The following IQCE variants were observed in gnomAD, a reference collection of about 807,000 sequenced individuals.
IQCE encodes IQ domain-containing protein E.
A neutral mutation model predicts 96.0 loss-of-function variants in IQCE; 115 were observed. The observed-to-expected ratio is 1.20, with a 90% CI of 1.03 to 1.40. IQCE has a LOEUF of 1.40. Among genes scored for constraint, IQCE ranks in the 40% most tolerant of loss-of-function variants. The pLI, the probability that IQCE is intolerant of heterozygous loss-of-function variation, is 0.00. For synonymous variants in IQCE, 412 were observed against 371.2 expected (o/e 1.11, Z -1.26); for missense variants, 1,041 against 909.1 (o/e 1.15, Z -1.87).
At position 2,582,735 on chromosome 7, in the gene IQCE, C is replaced by T. The variant is rs188411237; in HGVS notation, c.701+85C>T. The T allele has an allele frequency of 4.3e-4, 515 of 1,199,260 alleles. 2 individuals are homozygous for T. Among genetic ancestry groups the T allele is most frequent in the Non-Finnish European group, 5.6e-4 (458 of 822,428 alleles). 74.3% of individuals were successfully genotyped at this position (1,199,260 alleles called of 1,614,324 possible). A position where few individuals can be genotyped will look rare whatever the true frequency, so the allele number is the denominator to read the frequency against. The stretch of plus-strand genomic sequence containing the variant: ...GCCCGCCTTTGTTCCTCCCCCACCC[C>T]GTCCTGTGTCCCTACTCCCAGCCCA... On this transcript the variant is annotated intron_variant, in intron 9 of 21. Transcript: ENST00000402050.
Position 2,611,432 on chromosome 7 carries a change from T to C in IQCE, c.*1270T>C, listed in dbSNP as rs893306735. The C allele has an allele frequency of 3.9e-5, 6 of 152,288 alleles. No homozygotes were observed. Among genetic ancestry groups the C allele is most frequent in the African/African-American group, 1.4e-4 (6 of 41,464 alleles). The allele number at this position is 152,288 out of a possible 1,614,324, so 9.4% of individuals were successfully genotyped here. A position where few individuals can be genotyped will look rare whatever the true frequency, so the allele number is the denominator to read the frequency against. Reference sequence around the variant, plus strand: ...GTTAGAAAGCCCCTTTTTACACAGCTGACAGCTTCTCCCAAGGCTTCCGTC... The same window carrying C: ...GTTAGAAAGCCCCTTTTTACACAGCCGACAGCTTCTCCCAAGGCTTCCGTC... On this transcript the variant is annotated 3_prime_UTR_variant, in exon 22 of 22. Coordinates refer to ENST00000402050, the MANE Select transcript of IQCE (RefSeq NM_152558.5).
chr7:2,570,250 C>G (rs1352216335), intron 3 of IQCE, among the ~76,000 whole-genome samples: 2 of 152,124 alleles, frequency 1.3e-5, no homozygotes, highest in Non-Finnish European at 2.9e-5. Context: ...ACGCTGGCAT[C>G]TCTCCACCAC....
intron 12 of IQCE, among the ~76,000 whole-genome samples, chr7:2,586,997 G>T (rs1783174500): frequency 1.3e-5 from 2 of 152,232 alleles, no homozygotes; most frequent in Admixed American, 1.3e-4. Context: ...GCAGACAGAG[G>T]CTTCTGCGCT....
chr7:2,607,426 T>C, intron 21 of IQCE, 199 bp downstream of exon 21: 1 of 1,341,434 alleles, frequency 7.5e-7, no homozygotes, highest in Non-Finnish European at 9.5e-7. Context: ...AGCTTGTCCT[T>C]TGTGCCTGGA....
chr7:2,586,331 C>T lies in IQCE; in HGVS notation c.948C>T (p.Asp316=), dbSNP rs767849059. ...ACCAGAGCCTGAAGGAGGACCTGGA[C>T]CGCGTGCTGAGCACCTCCCCAACCA... ...EENQSLKEDL[D]RVLSTSPTIS... The change falls in exon 12 of 22, where the codon GAC becomes GAT. Residue 316 remains aspartate (D), a synonymous_variant. Coordinates refer to ENST00000402050, the MANE Select transcript of IQCE (RefSeq NM_152558.5). The T allele has an allele frequency of 3.7e-6, 6 of 1,613,742 alleles. No individual in the cohort carries two copies. The highest frequency in any genetic ancestry group is 4.2e-6 in the Non-Finnish European group (5 of 1,179,906).
In IQCE at chr7:2,607,126, C is replaced by G. The variant is rs775639646; in HGVS notation, c.1868C>G (p.Ala623Gly). 3 of 1,595,582 alleles carry G rather than the reference C, an allele frequency of 1.9e-6. No homozygotes were observed. Among genetic ancestry groups the G allele is most frequent in the Non-Finnish European group, 2.6e-6 (3 of 1,172,454 alleles). Reference sequence around the variant, plus strand: ...TGGCGTTTTCTGTTTTTTTCCAGTGCTACCGGTAAAAGAACCACCACCGCA... The same window carrying G: ...TGGCGTTTTCTGTTTTTTTCCAGTGGTACCGGTAAAAGAACCACCACCGCA... The part of the protein sequence containing the change: ...RAHLARARHS[A>G]TGKRTTTAAS... Residue 623 changes from alanine to glycine, a missense_variant and splice_region_variant, in exon 21 of 22, where the codon GCT (alanine) becomes GGT (glycine). Transcript: ENST00000402050.
At position 2,580,421 on chromosome 7, in the gene IQCE, C is replaced by G. The variant is rs367643551; in HGVS notation, c.630+1895C>G. On this transcript the variant is annotated intron_variant, in intron 8 of 21. Coordinates refer to ENST00000402050, the MANE Select transcript of IQCE (RefSeq NM_152558.5). Reference sequence around the variant, plus strand: ...AGTCAGGAGTTCAAGACCAGCCTGGCCAACATGGTGAAGCCCCATCTGTAC... The same window carrying G: ...AGTCAGGAGTTCAAGACCAGCCTGGGCAACATGGTGAAGCCCCATCTGTAC... 2.6e-4 allele frequency among the ~76,000 whole-genome samples: 39 copies of G among 152,074 alleles called. No individual in the cohort carries two copies. The East Asian group carries it at 4.1e-3, about 16-fold the overall frequency.
intron 5 of IQCE, chr7:2,572,790 C>T (rs1781854288): frequency 2.2e-6 from 1 of 453,162 alleles, no homozygotes; most frequent in African/African-American, 2.0e-5. Context: ...GTGATCCTCT[C>T]ACCTTGGCCT....
chr7:2,607,066 CAG>C (rs1784885966), intron 20 of IQCE, 56 bp from the exon 21 acceptor site: 1 of 1,441,556 alleles, frequency 6.9e-7, no homozygotes, highest in African/African-American at 1.4e-5. Context: ...CTGTAAACCT[CAG>C]AGAGGTTTGT....
chr7:2,573,562 G>C, intron 6 of IQCE, 74 bp downstream of exon 6: 1 of 845,056 alleles, frequency 1.2e-6, no homozygotes, highest in Non-Finnish European at 2.0e-6. Flanking sequence ...GAACATCAGT[G>C]CCTGTGCTGG....
chr7:2,602,174 G>T (rs1305387828), intron 18 of IQCE, among the ~76,000 whole-genome samples: 2 of 152,188 alleles, frequency 1.3e-5, no homozygotes, highest in Non-Finnish European at 2.9e-5. Context: ...GGCCTCGCAG[G>T]ATACATCAGA....
intron 1 of IQCE, among the ~76,000 whole-genome samples, chr7:2,559,886 GCCGGTAGTCCC>G (rs1780809359): frequency 1.3e-5 from 2 of 152,100 alleles, no homozygotes; most frequent in South Asian, 2.1e-4. Flanking sequence ...CGTGGCTCAG[GCCGGTAGTCCC>G]CCGGTAGTCC....
At chr7:2,594,267 C>CAA (rs962806441) in intron 15 of IQCE, among the ~76,000 whole-genome samples, 1 of 149,964 alleles carries the variant, frequency 6.7e-6, no homozygotes, top group Non-Finnish European at 1.5e-5. Flanking sequence ...CTCAAACAAA[C>CAA]AAAAAAAAAG....
At chr7:2,609,311 CTTTT>C (rs58620813) in intron 21 of IQCE, among the ~76,000 whole-genome samples, 9,611 of 139,860 alleles carry the variant, frequency 0.069, 355 homozygotes, top group Non-Finnish European at 0.084. Context: ...GGGAAGTTGG[CTTTT>C]TTTTTTTTTT....
chr7:2,571,365 T>G, intron 3 of IQCE, 161 bp from the exon 4 acceptor site: 1 of 817,638 alleles, frequency 1.2e-6, no homozygotes, highest in Non-Finnish European at 2.0e-6. Context: ...GAAATGTCAG[T>G]ATATAGGTAA....
rs185662607 is a variant in IQCE, at chr7:2,575,575, G to C, written c.465+2087G>C. On this transcript the variant is annotated intron_variant, in intron 6 of 21. Coordinates refer to ENST00000402050, the MANE Select transcript of IQCE (RefSeq NM_152558.5). ...GAGGGTACTGGGTGCAGCCGGGCAA[G>C]GGTGAGTGTCTGGGCTCCCCACACA... Among the ~76,000 whole-genome samples, 255 of 151,362 alleles carry C rather than the reference G, an allele frequency of 1.7e-3. 4 individuals carry two copies. The highest frequency in any genetic ancestry group is 5.8e-3 in the African/African-American group (241 of 41,538).
chr7:2,597,415 C>T (rs897738382), intron 16 of IQCE, among the ~76,000 whole-genome samples: 3 of 152,256 alleles, frequency 2.0e-5, no homozygotes, highest in South Asian at 2.1e-4. Context: ...GCCCAAGCAT[C>T]GTTAACACAC....
intron 6 of IQCE, among the ~76,000 whole-genome samples, chr7:2,573,928 C>G (rs1379501371): frequency 6.6e-6 from 1 of 152,174 alleles, no homozygotes; most frequent in Non-Finnish European, 1.5e-5. Flanking sequence ...CCACTTGTTA[C>G]AACCACAGTC....
rs1162351275 is a variant in IQCE at position 2,605,887 on chromosome 7, G to A, written c.1755G>A (p.Val585=). 1.8e-5 allele frequency: 29 copies of A among 1,604,186 alleles called. No individual in the cohort carries two copies. Among genetic ancestry groups the A allele is most frequent in the Non-Finnish European group, 2.3e-5 (27 of 1,176,444 alleles). The part of the protein sequence containing the change: ...VPGLPDQSSP[V]PRVPSPIAQA... ...TCCTTGCACCCCAGAGCTCTCCTGT[G>A]CCCCGCGTTCCGAGCCCCATCGCCC... Residue 585 remains valine, a synonymous_variant, in exon 20 of 22, where the codon GTG becomes GTA. Transcript: ENST00000402050.
Sources: allele counts gnomAD v4.1 joint callset (sites outside exome capture counted in the v4.1 genomes callset), GRCh38; gene constraint gnomAD v4.1.1; transcripts MANE v1.5; gene names NCBI Gene and HGNC (gene_info 2026-07-23, HGNC 2026-07-21).